The following ADGRG6 variants were observed in gnomAD, a reference collection of about 807,000 sequenced individuals.
ADGRG6 encodes adhesion G protein-coupled receptor G6.
Under a neutral mutation model 142.4 loss-of-function variants are expected in ADGRG6, and 84 were observed. That is an observed-to-expected ratio of 0.59 (90% CI 0.49 to 0.71). The LOEUF (loss-of-function observed/expected upper bound fraction) is 0.71. Ranked by LOEUF, ADGRG6 falls within the 30% of genes least tolerant of loss-of-function variation. ADGRG6 has a pLI of 0.00. For missense variants in ADGRG6, 1,367 were observed against 1,466.6 expected (o/e 0.93, Z 1.11); for synonymous variants, 521 against 520.5 (o/e 1.00, Z -0.01).
At chr6:142,304,925 A>G (rs73576343) in intron 1 of ADGRG6, among the ~76,000 whole-genome samples, 6,030 of 152,278 alleles carry the variant, frequency 0.04, 366 homozygotes, top group African/African-American at 0.13. Context: ...GTGTCATGTT[A>G]CTTTCCATTA....
intron 2 of ADGRG6, among the ~76,000 whole-genome samples, chr6:142,354,184 T>C (rs1183174177): frequency 2.0e-5 from 3 of 152,112 alleles, no homozygotes; most frequent in Admixed American, 6.5e-5. Context: ...TTTTCTCCTA[T>C]TAAAAAAAAC....
chr6:142,331,616 C>A (rs1779067630), intron 2 of ADGRG6, among the ~76,000 whole-genome samples: 1 of 152,156 alleles, frequency 6.6e-6, no homozygotes, highest in Non-Finnish European at 1.5e-5. Flanking sequence ...GTGTTATTTA[C>A]AGAATGTAGA....
At chr6:142,382,886 A>G (rs1781835919) in intron 5 of ADGRG6, among the ~76,000 whole-genome samples, 1 of 152,154 alleles carries the variant, frequency 6.6e-6, no homozygotes, top group Non-Finnish European at 1.5e-5. Context: ...GTGTGAGAGT[A>G]GGGCAGGCAG....
At chr6:142,371,114 A>G (rs1417065124) in intron 4 of ADGRG6, among the ~76,000 whole-genome samples, 1 of 152,180 alleles carries the variant, frequency 6.6e-6, no homozygotes, top group Non-Finnish European at 1.5e-5. Flanking sequence ...GGAATCTCAA[A>G]TACAAATGTT....
chr6:142,428,596 C>T (rs1480616163), intron 22 of ADGRG6, among the ~76,000 whole-genome samples: 3 of 152,072 alleles, frequency 2.0e-5, no homozygotes, highest in Non-Finnish European at 4.4e-5. Flanking sequence ...GGGAAACTTA[C>T]AATCATGGCA....
chr6:142,336,613 T>C (rs1451475300), intron 2 of ADGRG6, among the ~76,000 whole-genome samples: 1 of 152,232 alleles, frequency 6.6e-6, no homozygotes, highest in East Asian at 1.9e-4. Context: ...CATATGTATA[T>C]TGAGGCATGT....
intron 2 of ADGRG6, among the ~76,000 whole-genome samples, chr6:142,356,190 C>A (rs2114799472): frequency 6.6e-6 from 1 of 152,280 alleles, no homozygotes; most frequent in Non-Finnish European, 1.5e-5. Context: ...GTAAACTAAG[C>A]TGTTAGGCAT....
chr6:142,381,930 A>G lies in ADGRG6; in HGVS notation c.1070-21A>G, dbSNP rs375820239. On this transcript the variant is annotated intron_variant, in intron 4 of 24. Coordinates refer to ENST00000367609, the MANE Select transcript of ADGRG6 (RefSeq NM_198569.3). ...ACTAAATCATAAATCAAACTTACAT[A>G]TTCTTTTTGTGTTGATCAAGGTTCC... is the stretch of plus-strand genomic sequence containing the variant. 3.3e-4 allele frequency: 489 copies of G among 1,499,802 alleles called. 1 individual carries two copies. Among genetic ancestry groups the G allele is most frequent in the Non-Finnish European group, 3.9e-4 (429 of 1,090,148 alleles). The allele number at this position is 1,499,802 out of a possible 1,614,324, so 92.9% of individuals were successfully genotyped here. A position where few individuals can be genotyped will look rare whatever the true frequency, so the allele number is the denominator to read the frequency against.
In ADGRG6 at chr6:142,302,091, C is replaced by T. The variant is rs58392058; in HGVS notation, c.-239C>T. The T allele has an allele frequency of 0.035, 18,480 of 532,002 alleles. 2,322 individuals carry two copies. Among genetic ancestry groups the T allele is most frequent in the African/African-American group, 0.3 (15,201 of 51,132 alleles). 33.0% of individuals were successfully genotyped at this position (532,002 alleles called of 1,614,324 possible). A position where few individuals can be genotyped will look rare whatever the true frequency, so the allele number is the denominator to read the frequency against. ...CTGCCAACTTCCCTGCGAGGAGGGA[C>T]CTGCCGCCAGCCTGCTTCCTCGTCC... On this transcript the variant is annotated 5_prime_UTR_variant, in exon 1 of 25. Transcript: ENST00000367609.
chr6:142,398,475 A>G (rs1455164459), intron 10 of ADGRG6, among the ~76,000 whole-genome samples: 4 of 152,170 alleles, frequency 2.6e-5, no homozygotes, highest in Non-Finnish European at 4.4e-5. Context: ...TGTCTCTATT[A>G]GTGATACCAC....
rs140957796 is a variant in ADGRG6, at chr6:142,427,753, G to A, written c.3319+7649G>A. Among the ~76,000 whole-genome samples the A allele has an allele frequency of 5.6e-3, 860 of 152,262 alleles. 17 individuals are homozygous for A. The highest frequency in any genetic ancestry group is 0.041 in the Admixed American group (631 of 15,280). ...ACTGGGGAAGCCTCACAATCAGGGC[G>A]GAGGGCAAGAAGGAGGAAATGACAT... On this transcript the variant is annotated intron_variant, in intron 22 of 24. Coordinates refer to ENST00000367609, the MANE Select transcript of ADGRG6 (RefSeq NM_198569.3).
At position 142,361,595 on chromosome 6, in the gene ADGRG6, G is replaced by A. The variant is rs572270957; in HGVS notation, c.104-5974G>A. ...TGAAATAAAAATGGAAGCCACTTTA[G>A]TATAAACACTGTGTGAAATTTTGTA... On this transcript the variant is annotated intron_variant, in intron 2 of 24. Transcript: ENST00000367609. 5.9e-5 allele frequency among the ~76,000 whole-genome samples: 9 copies of A among 152,286 alleles called. No homozygotes were observed. In the South Asian group the frequency reaches 1.7e-3, roughly 28 times the overall value.
rs539825319 is a variant in ADGRG6, at chr6:142,406,431, C to T, written c.2268+603C>T. Among the ~76,000 whole-genome samples, 168 of 152,252 alleles carry T rather than the reference C, an allele frequency of 1.1e-3. 1 individual carries two copies. Among genetic ancestry groups the T allele is most frequent in the African/African-American group, 3.8e-3 (156 of 41,552 alleles). ...TTTGCCTTTACAAGTACAACCTGAT[C>T]GAGAGCAGGTTCGCTGGGCCCTTTT... is the stretch of plus-strand genomic sequence containing the variant. On this transcript the variant is annotated intron_variant, in intron 15 of 24. Coordinates refer to ENST00000367609, the MANE Select transcript of ADGRG6 (RefSeq NM_198569.3).
At chr6:142,380,269 C>CAAT (rs1781707157) in intron 4 of ADGRG6, among the ~76,000 whole-genome samples, 2 of 152,064 alleles carry the variant, frequency 1.3e-5, no homozygotes, top group African/African-American at 4.8e-5. Context: ...TGAGGCATGT[C>CAAT]CAACCCTCTC....
chr6:142,368,729 G>T (rs114078739), intron 3 of ADGRG6, among the ~76,000 whole-genome samples: 1,896 of 151,824 alleles, frequency 0.012, 44 homozygotes, highest in African/African-American at 0.043. Context: ...TGGAGTTATT[G>T]ATTTGTGTTT....
At chr6:142,403,043 T>C (rs910950665) in intron 13 of ADGRG6, among the ~76,000 whole-genome samples, 4 of 151,938 alleles carry the variant, frequency 2.6e-5, no homozygotes, top group Admixed American at 1.3e-4. Flanking sequence ...ACAATATACA[T>C]AGCCCTAGAA....
chr6:142,412,364 A>AC (rs1223756867), intron 18 of ADGRG6, among the ~76,000 whole-genome samples: 3 of 152,148 alleles, frequency 2.0e-5, no homozygotes, highest in Non-Finnish European at 4.4e-5. Context: ...AGAATCACAG[A>AC]CGTCAGGTTT....
chr6:142,367,138 G>T (rs944241125), intron 2 of ADGRG6, among the ~76,000 whole-genome samples: 6 of 151,644 alleles, frequency 4.0e-5, no homozygotes, highest in Non-Finnish European at 7.4e-5. Context: ...TATCTTTATG[G>T]TTCTATAACC....
In ADGRG6 at chr6:142,444,496, C is replaced by G. The variant is rs1356815354; in HGVS notation, c.*981C>G. 1 of 152,144 alleles carries G rather than the reference C, an allele frequency of 6.6e-6. No homozygotes were observed. Among genetic ancestry groups the G allele is most frequent in the Non-Finnish European group, 1.5e-5 (1 of 68,024 alleles). The allele number at this position is 152,144 out of a possible 1,614,324, so 9.4% of individuals were successfully genotyped here. ...AAGCACAAATAAAAGCCTCGTATTT[C>G]CCCATTGAGAGTTTTGTTCCAAGGA... On this transcript the variant is annotated 3_prime_UTR_variant, in exon 25 of 25. Coordinates refer to ENST00000367609, the MANE Select transcript of ADGRG6 (RefSeq NM_198569.3).
Sources: gnomAD v4.1 joint callset for allele counts (sites outside exome capture counted in the v4.1 genomes callset) on GRCh38, gnomAD v4.1.1 for gene constraint, MANE v1.5 for transcripts, NCBI Gene and HGNC (gene_info 2026-07-23, HGNC 2026-07-21) for gene names.